The following PIK3R4 variants were observed in gnomAD, a reference collection of about 807,000 sequenced individuals.
PIK3R4 encodes phosphoinositide-3-kinase regulatory subunit 4, also known as phosphoinositide 3-kinase regulatory subunit 4.
Under a neutral mutation model 136.5 loss-of-function variants are expected in PIK3R4, and 46 were observed. The ratio of observed to expected loss-of-function variants is 0.34; its 90% confidence interval spans 0.27 to 0.43. The LOEUF (loss-of-function observed/expected upper bound fraction) is 0.43, where lower values mean the gene tolerates loss of function less well. Ranked by LOEUF, PIK3R4 falls within the 20% of genes least tolerant of loss-of-function variation. The pLI, the probability that PIK3R4 is intolerant of heterozygous loss-of-function variation, is 1.00. For missense variants in PIK3R4, 1,331 were observed against 1,649.5 expected (o/e 0.81, Z 3.35); for synonymous variants, 557 against 566.7 (o/e 0.98, Z 0.24).
At chr3:130,731,963 C>G (rs1007362264) in intron 4 of PIK3R4, among the ~76,000 whole-genome samples, 11 of 152,172 alleles carry the variant, frequency 7.2e-5, no homozygotes, top group Non-Finnish European at 4.4e-5. Flanking sequence ...GCATTCCAGC[C>G]TGGGTGATCA....
Position 130,730,364 on chromosome 3 carries a change from T to C in PIK3R4, c.1529A>G (p.Asp510Gly). Reference sequence around the variant, plus strand: ...CTCATCTATTTCTTCATTATTGGGGTCATTTTCCATATTAAGATTTTTTAA... The same window carrying C: ...CTCATCTATTTCTTCATTATTGGGGCCATTTTCCATATTAAGATTTTTTAA... ...VQLKNLNMENDPNNEEIDEVT... is the reference protein window; with the variant it reads ...VQLKNLNMENGPNNEEIDEVT... Residue 510 changes from aspartate (D) to glycine (G), a missense_variant, in exon 5 of 20, where the codon GAC becomes GGC. By Grantham distance (94) the Asp-to-Gly change is moderately conservative. Around this residue, in one of 2 missense-constraint regions of PIK3R4, gnomAD observed 1,180 missense variants for 1,407.0 expected, o/e 0.84. Coordinates refer to ENST00000356763, the MANE Select transcript of PIK3R4 (RefSeq NM_014602.3). The C allele has an allele frequency of 4.4e-6, 7 of 1,600,982 alleles. No individual in the cohort carries two copies. The highest frequency in any genetic ancestry group is 6.0e-6 in the Non-Finnish European group (7 of 1,172,654).
chr3:130,694,021 A>C (rs2066533115), intron 13 of PIK3R4, among the ~76,000 whole-genome samples: 1 of 152,056 alleles, frequency 6.6e-6, no homozygotes, highest in Admixed American at 6.6e-5. Context: ...TTCTTTTCCC[A>C]ACTGAAATAT....
chr3:130,736,586 A>AAAAAT lies in PIK3R4; in HGVS notation c.734-589_734-585dup, dbSNP rs532382681. Among the ~76,000 whole-genome samples the AAAAAT allele has an allele frequency of 2.5e-3, 381 of 152,296 alleles. 1 individual carries two copies. The highest frequency in any genetic ancestry group is 0.022 in the South Asian group (105 of 4,828). On this transcript the variant is annotated intron_variant, in intron 2 of 19. Coordinates refer to ENST00000356763, the MANE Select transcript of PIK3R4 (RefSeq NM_014602.3). ...ATGACAGAGTGAGACTCCATCTCAAAAAAATAAAATAAAATAAAATAAAAT... is the reference window on the plus strand; with the variant it reads ...ATGACAGAGTGAGACTCCATCTCAAAAAAATAAAATAAAATAAAATAAAATAAAAT...
intron 7 of PIK3R4, among the ~76,000 whole-genome samples, chr3:130,723,062 C>CAAAAAAAAAAAAAAA (rs61129038): frequency 1.0e-4 from 2 of 19,500 alleles, no homozygotes; most frequent in African/African-American, 1.7e-4. Flanking sequence ...GAGACTGTCG[C>CAAAAAAAAAAAAAAA]AAAAAAAAAA....
At position 130,702,734 on chromosome 3, in the gene PIK3R4, A is replaced by G. The variant is rs149854568; in HGVS notation, c.3098+989T>C. The stretch of plus-strand genomic sequence containing the variant: ...GCAAATCAGATAGGGACATACTTAT[A>G]AAGTTGTACAAATCTAAAATATTTA... On this transcript the variant is annotated intron_variant, in intron 13 of 19. Transcript: ENST00000356763. Among the ~76,000 whole-genome samples, 1,233 of 152,340 alleles carry G rather than the reference A, an allele frequency of 8.1e-3. 20 individuals are homozygous for G. Among genetic ancestry groups the G allele is most frequent in the Admixed American group, 0.039 (596 of 15,294 alleles).
chr3:130,708,368 ATTACACCT>A lies in PIK3R4; in HGVS notation c.2448_2455del (p.Lys816AsnfsTer2). ...AGTTATGCCTAAAGCTGCCAAGTCA[ATTACACCT>A]TTCTGACTACTATCATGAAGATGGC... is the stretch of plus-strand genomic sequence containing the variant. On this transcript the variant is annotated frameshift_variant, in exon 10 of 20. Coordinates refer to ENST00000356763, the MANE Select transcript of PIK3R4 (RefSeq NM_014602.3). LOFTEE classifies it high-confidence loss of function. The A allele has an allele frequency of 6.2e-7, 1 of 1,613,788 alleles. No homozygotes were observed. The highest frequency in any genetic ancestry group is 2.2e-5 in the East Asian group (1 of 44,856).
At chr3:130,710,948 C>A in intron 9 of PIK3R4, among the ~76,000 whole-genome samples, 2 of 135,974 alleles carry the variant, frequency 1.5e-5, no homozygotes, top group South Asian at 2.3e-4. Context: ...CAAGGATAGC[C>A]AAGAAACTCT....
At position 130,690,669 on chromosome 3, in the gene PIK3R4, A is replaced by G; in HGVS notation, c.3099-15T>C. ...TAAGAATAGATCTGAATGAAAGAAA[A>G]ATAAAATTCATTTATGAACCAATGT... On this transcript the variant is annotated splice_polypyrimidine_tract_variant and intron_variant, in intron 13 of 19. Coordinates refer to ENST00000356763, the MANE Select transcript of PIK3R4 (RefSeq NM_014602.3). 1 of 1,544,278 alleles carries G rather than the reference A, an allele frequency of 6.5e-7. No homozygotes were observed. The highest frequency in any genetic ancestry group is 8.9e-7 in the Non-Finnish European group (1 of 1,128,886).
At position 130,680,674 on chromosome 3, in the gene PIK3R4, C is replaced by T. The variant is rs1237997608; in HGVS notation, c.3845G>A (p.Ser1282Asn). The T allele has an allele frequency of 2.5e-6, 4 of 1,613,214 alleles. No individual in the cohort carries two copies. The highest frequency in any genetic ancestry group is 3.4e-6 in the Non-Finnish European group (4 of 1,179,368). Residue 1282 changes from serine to asparagine, a missense_variant, in exon 19 of 20, where the codon AGT (serine) becomes AAT (asparagine). Physicochemically the swap from Ser to Asn is conservative, Grantham distance 46. Around this residue, in one of 2 missense-constraint regions of PIK3R4, gnomAD observed 1,180 missense variants for 1,407.0 expected, o/e 0.84. Coordinates refer to ENST00000356763, the MANE Select transcript of PIK3R4 (RefSeq NM_014602.3). ...YPERSYVVAGSTSSPSVSYYR... is the reference protein window; with the variant it reads ...YPERSYVVAGNTSSPSVSYYR... ...GTAGGACACAGATGGGGAACTAGTACTTCCTGCAACAACATAGGACCTTTC... is the reference window on the plus strand; with the variant it reads ...GTAGGACACAGATGGGGAACTAGTATTTCCTGCAACAACATAGGACCTTTC...
intron 4 of PIK3R4, among the ~76,000 whole-genome samples, chr3:130,733,310 C>A (rs1199521298): frequency 6.6e-6 from 1 of 152,024 alleles, no homozygotes; most frequent in Non-Finnish European, 1.5e-5. Context: ...TGTAGTATTC[C>A]TAAGAAAACC....
chr3:130,745,401 C>T, intron 1 of PIK3R4, 137 bp from the exon 2 acceptor site: 1 of 507,430 alleles, frequency 2.0e-6, no homozygotes, highest in Non-Finnish European at 3.4e-6. Context: ...TGTACCTAGC[C>T]TTCTGGGGCA....
intron 13 of PIK3R4, among the ~76,000 whole-genome samples, chr3:130,700,248 G>A (rs535167967): frequency 3.3e-5 from 5 of 152,176 alleles, no homozygotes; most frequent in East Asian, 3.9e-4. Flanking sequence ...CACTACCAGT[G>A]ACTCCAAAAC....
rs1358578946 is a variant in PIK3R4 at position 130,727,222 on chromosome 3, GT to G, written c.1807+1240del. 2.4e-4 allele frequency among the ~76,000 whole-genome samples: 36 copies of G among 151,298 alleles called. 1 individual carries two copies. The highest frequency in any genetic ancestry group is 1.6e-3 in the Admixed American group (25 of 15,200). ...AGATTATTGGGAACCAAAACTTAAA[GT>G]CTTTTTTTTTTTTTTGAGACGGAGT... On this transcript the variant is annotated intron_variant, in intron 6 of 19. Coordinates refer to ENST00000356763, the MANE Select transcript of PIK3R4 (RefSeq NM_014602.3).
In PIK3R4 at chr3:130,723,552, T is replaced by G. The variant is rs200974854; in HGVS notation, c.1843A>C (p.Ile615Leu). The G allele has an allele frequency of 1.1e-5, 17 of 1,613,392 alleles. No individual in the cohort carries two copies. The highest frequency in any genetic ancestry group is 1.4e-5 in the Non-Finnish European group (17 of 1,179,844). Residue 615 changes from isoleucine (I) to leucine (L), a missense_variant, in exon 7 of 20, where the codon ATT (isoleucine) becomes CTT (leucine). Ile to Leu is a conservative substitution (Grantham distance 5, BLOSUM62 2). This residue lies in a region of PIK3R4 where 1,180 missense variants were observed against 1,407.0 expected (regional missense o/e 0.84). Coordinates refer to ENST00000356763, the MANE Select transcript of PIK3R4 (RefSeq NM_014602.3). The stretch of plus-strand genomic sequence containing the variant: ...CCTTGTTGCAGCAGAGGCTTGAGAA[T>G]TGAGGAGCTTTGCCAGCCAACATAG... ...AAYVGWQSSS[I>L]LKPLLQQGLS...
chr3:130,700,578 G>T (rs2066569085), intron 13 of PIK3R4, among the ~76,000 whole-genome samples: 1 of 152,168 alleles, frequency 6.6e-6, no homozygotes, highest in Non-Finnish European at 1.5e-5. Flanking sequence ...AAAAGAAAAT[G>T]GCAGAGCCAA....
intron 7 of PIK3R4, among the ~76,000 whole-genome samples, chr3:130,720,862 A>C (rs1444616585): frequency 2.6e-5 from 4 of 152,146 alleles, no homozygotes; most frequent in African/African-American, 9.7e-5. Context: ...AACAAGAGTG[A>C]AACTCCGTCT....
chr3:130,690,199 T>G (rs1188776200), intron 14 of PIK3R4, among the ~76,000 whole-genome samples: 1 of 152,220 alleles, frequency 6.6e-6, no homozygotes, highest in Non-Finnish European at 1.5e-5. Context: ...AGACAAATTC[T>G]AGACTGGGAT....
intron 13 of PIK3R4, among the ~76,000 whole-genome samples, chr3:130,694,362 C>G (rs764836740): frequency 6.6e-6 from 1 of 151,246 alleles, no homozygotes. Flanking sequence ...ATCTGTACAT[C>G]GAGAGATCTG....
chr3:130,737,713 A>G (rs1368719919), intron 2 of PIK3R4, among the ~76,000 whole-genome samples: 1 of 152,188 alleles, frequency 6.6e-6, no homozygotes, highest in Non-Finnish European at 1.5e-5. Context: ...TAACCTGCTG[A>G]ATTTTCCAGC....
Sources: gnomAD v4.1 joint callset for allele counts (sites outside exome capture counted in the v4.1 genomes callset) on GRCh38, gnomAD v4.1.1 for gene constraint, gnomAD v4.1.1 regional missense constraint, MANE v1.5 for transcripts, NCBI Gene and HGNC (gene_info 2026-07-23, HGNC 2026-07-21) for gene names.